The following DNAI1 variants were observed in gnomAD, a reference collection of about 807,000 sequenced individuals.
DNAI1 encodes the protein dynein, axonemal, intermediate polypeptide 1.
Under a neutral mutation model 92.0 loss-of-function variants are expected in DNAI1, and 67 were observed. The observed-to-expected ratio is 0.73, with a 90% CI of 0.60 to 0.89. DNAI1 has a LOEUF of 0.89. DNAI1 is among the 40% of genes least tolerant of loss of function. DNAI1 has a pLI of 0.00. For synonymous variants in DNAI1, 323 were observed against 319.6 expected (o/e 1.01, Z -0.11); for missense variants, 839 against 866.6 (o/e 0.97, Z 0.40).
intron 2 of DNAI1, among the ~76,000 whole-genome samples, chr9:34,483,754 A>C (rs970352464): frequency 6.6e-6 from 1 of 152,186 alleles, no homozygotes; most frequent in Non-Finnish European, 1.5e-5. Context: ...CAAACTATAT[A>C]TGTTATTTTA....
chr9:34,484,988 T>G, intron 2 of DNAI1, 154 bp from the exon 3 acceptor site: 1 of 743,738 alleles, frequency 1.3e-6, no homozygotes. Context: ...GCAGTTCTTT[T>G]GGACTCTTTC....
chr9:34,473,347 C>T (rs888176622), intron 1 of DNAI1, among the ~76,000 whole-genome samples: 1 of 151,564 alleles, frequency 6.6e-6, no homozygotes, highest in African/African-American at 2.4e-5. Context: ...GGCTGCAGTG[C>T]AGTGGCACGA....
Position 34,520,695 on chromosome 9 carries a change from TGG to T in DNAI1, c.2040_2041del (p.Glu681AspfsTer85), listed in dbSNP as rs1825264708. ...CAGGAGGTGCAGAAGGGTCCAGCTG[TGG>T]AGATTGCGAAACTGGACAAACTGCT... On this transcript the variant is annotated frameshift_variant, in exon 20 of 20. Coordinates refer to ENST00000242317, the MANE Select transcript of DNAI1 (RefSeq NM_012144.4). LOFTEE classifies it high-confidence loss of function. The T allele has an allele frequency of 6.4e-7, 1 of 1,551,018 alleles. No homozygotes were observed. Among genetic ancestry groups the T allele is most frequent in the Non-Finnish European group, 8.7e-7 (1 of 1,146,652 alleles).
intron 19 of DNAI1, among the ~76,000 whole-genome samples, chr9:34,518,453 G>C (rs980722075): frequency 6.6e-6 from 1 of 152,210 alleles, no homozygotes. Flanking sequence ...AGCCAGCTGG[G>C]GGAGAGGGTG....
chr9:34,506,479 G>A (rs1824932319), intron 12 of DNAI1, 148 bp from the exon 13 acceptor site: 2 of 1,079,130 alleles, frequency 1.9e-6, no homozygotes, highest in Non-Finnish European at 2.7e-6. Context: ...TTCACAGATG[G>A]AAAAGATGAA....
intron 13 of DNAI1, among the ~76,000 whole-genome samples, chr9:34,507,921 C>T (rs941674526): frequency 1.3e-5 from 2 of 152,222 alleles, no homozygotes; most frequent in African/African-American, 2.4e-5. Flanking sequence ...TGGATTTCAC[C>T]CTGACTGTGT....
In DNAI1 at chr9:34,459,070, T is replaced by G; in HGVS notation, c.48+17T>G. On this transcript the variant is annotated intron_variant, in intron 1 of 19. Transcript: ENST00000242317. ...CATAAGCAGGTAACGTACGCACACC[T>G]TCCTTCTGATGACCTCTGACCTTCG... is the stretch of plus-strand genomic sequence containing the variant. The G allele has an allele frequency of 6.2e-7, 1 of 1,612,516 alleles. No homozygotes were observed. Among genetic ancestry groups the G allele is most frequent in the Non-Finnish European group, 8.5e-7 (1 of 1,178,564 alleles).
At chr9:34,488,731 G>A (rs1824523367) in intron 4 of DNAI1, among the ~76,000 whole-genome samples, 1 of 152,166 alleles carries the variant, frequency 6.6e-6, no homozygotes, top group South Asian at 2.1e-4. Flanking sequence ...GCACATTGAG[G>A]CTGTTCAAAA....
At chr9:34,506,462 ATT>A (rs1824931788) in intron 12 of DNAI1, among the ~76,000 whole-genome samples, 163 bp from the exon 13 acceptor site, 1 of 152,194 alleles carries the variant, frequency 6.6e-6, no homozygotes. Flanking sequence ...ACATCTCATA[ATT>A]CCACTTCACA....
chr9:34,500,976 T>C (rs1391094474), intron 11 of DNAI1, 137 bp downstream of exon 11: 4 of 985,618 alleles, frequency 4.1e-6, no homozygotes, highest in Admixed American at 3.4e-5. Context: ...TGGATTCTTA[T>C]GGGATCACAA....
At chr9:34,484,932 G>A in intron 2 of DNAI1, 1 of 538,688 alleles carries the variant, frequency 1.9e-6, no homozygotes, top group Non-Finnish European at 3.4e-6. Flanking sequence ...TGACCCCCAG[G>A]GCAGAGGTGG....
At chr9:34,506,600 C>T (rs368698493) in intron 12 of DNAI1, 27 bp from the exon 13 acceptor site, 7 of 1,613,892 alleles carry the variant, frequency 4.3e-6, no homozygotes, top group South Asian at 1.1e-5. Flanking sequence ...GATCCTCCAA[C>T]CTCAGCCGCC....
rs139327447 is a variant in DNAI1 at position 34,468,494 on chromosome 9, G to GGTTTT, written c.48+9467_48+9471dup. Among the ~76,000 whole-genome samples the GGTTTT allele has an allele frequency of 2.7e-3, 413 of 151,378 alleles. 2 individuals are homozygous for GGTTTT. The highest frequency in any genetic ancestry group is 0.01 in the Middle Eastern group (3 of 294). Reference sequence around the variant, plus strand: ...GTGAGCCACCACGCCCGGCCAAGAAGGTTTTGTTTTGTTTTGTTTTGTTTT... The same window carrying GGTTTT: ...GTGAGCCACCACGCCCGGCCAAGAAGGTTTTGTTTTGTTTTGTTTTGTTTTGTTTT... On this transcript the variant is annotated intron_variant, in intron 1 of 19. Transcript: ENST00000242317.
chr9:34,468,605 C>T (rs139012775), intron 1 of DNAI1, among the ~76,000 whole-genome samples: 1,696 of 151,900 alleles, frequency 0.011, 35 homozygotes, highest in African/African-American at 0.039. Context: ...ACGGGAGGAT[C>T]ACTTGAGCCC....
chr9:34,489,852 A>G (rs1824549171), intron 5 of DNAI1, 160 bp from the exon 6 acceptor site: 2 of 1,103,302 alleles, frequency 1.8e-6, no homozygotes, highest in African/African-American at 1.6e-5. Flanking sequence ...CTCTGTCTCA[A>G]AAAAAAAAGC....
In DNAI1 at chr9:34,489,312, T is replaced by C. The variant is rs764196022; in HGVS notation, c.262-11T>C. On this transcript the variant is annotated splice_polypyrimidine_tract_variant and intron_variant, in intron 4 of 19. Transcript: ENST00000242317. ...GGGATCCCTGGTCTGACTCAGCCCC[T>C]CTCTTCTTAGGAAGGCACATATAAG... is the stretch of plus-strand genomic sequence containing the variant. The C allele has an allele frequency of 6.2e-7, 1 of 1,613,708 alleles. No homozygotes were observed. Among genetic ancestry groups the C allele is most frequent in the East Asian group, 2.2e-5 (1 of 44,874 alleles).
intron 1 of DNAI1, among the ~76,000 whole-genome samples, chr9:34,472,719 T>C (rs566872767): frequency 1.3e-5 from 2 of 152,182 alleles, no homozygotes; most frequent in African/African-American, 4.8e-5. Flanking sequence ...CTGGGCAACA[T>C]AGTGAGACAC....
At chr9:34,489,027 A>G in intron 4 of DNAI1, 1 of 376,776 alleles carries the variant, frequency 2.7e-6, no homozygotes, top group Non-Finnish European at 5.1e-6. Context: ...AGTAGGAGAC[A>G]AGACATATAA....
chr9:34,483,046 T>C (rs1824400098), intron 1 of DNAI1, among the ~76,000 whole-genome samples: 4 of 152,212 alleles, frequency 2.6e-5, no homozygotes, highest in Non-Finnish European at 5.9e-5. Flanking sequence ...CAGGGCTGGC[T>C]GGCTGCTCCG....
Sources: gnomAD v4.1 joint callset for allele counts (sites outside exome capture counted in the v4.1 genomes callset) on GRCh38, gnomAD v4.1.1 for gene constraint, MANE v1.5 for transcripts, NCBI Gene and HGNC (gene_info 2026-07-23, HGNC 2026-07-21) for gene names.